The following PPARGC1A variants were observed in gnomAD, a reference collection of about 807,000 sequenced individuals.
PPARGC1A encodes the protein PPARG coactivator 1 alpha.
A neutral mutation model predicts 88.7 loss-of-function variants in PPARGC1A; 25 were observed. That is an observed-to-expected ratio of 0.28 (90% CI 0.21 to 0.39). PPARGC1A has a LOEUF of 0.39. PPARGC1A is among the 10% of genes least tolerant of loss of function. The pLI, the probability that PPARGC1A is intolerant of heterozygous loss-of-function variation, is 1.00. For missense variants in PPARGC1A, 880 were observed against 968.7 expected (o/e 0.91, Z 1.22); for synonymous variants, 363 against 355.6 (o/e 1.02, Z -0.24).
chr4:24,424,325 G>A, the PPARGC1A span, among the ~76,000 whole-genome samples: 6 of 123,954 alleles, frequency 4.8e-5, no homozygotes, highest in East Asian at 1.1e-3. Flanking sequence ...GCCCAGGCTC[G>A]AGTGCCCTGG....
the PPARGC1A span, among the ~76,000 whole-genome samples, chr4:24,077,285 G>A: frequency 3.3e-5 from 5 of 152,042 alleles, no homozygotes; most frequent in South Asian, 2.1e-4. Context: ...GGCACATCTC[G>A]TTTAGTGGCT....
chr4:24,204,513 G>C, the PPARGC1A span, among the ~76,000 whole-genome samples: 3 of 151,900 alleles, frequency 2.0e-5, no homozygotes, highest in African/African-American at 7.3e-5. Context: ...GAAGAGAGGG[G>C]AGGGCAGGGG....
intron 2 of PPARGC1A, among the ~76,000 whole-genome samples, chr4:23,858,346 T>C (rs1730584520): frequency 1.3e-5 from 2 of 152,198 alleles, no homozygotes. Flanking sequence ...TGATAGGTGA[T>C]CAGTAAATGT....
chr4:24,262,101 C>G, the PPARGC1A span, among the ~76,000 whole-genome samples: 2 of 151,878 alleles, frequency 1.3e-5, no homozygotes, highest in African/African-American at 4.9e-5. Context: ...GCCCTCCCAA[C>G]CCCCACCAAG....
chr4:24,374,173 C>T, the PPARGC1A span, among the ~76,000 whole-genome samples: 11 of 152,188 alleles, frequency 7.2e-5, no homozygotes, highest in Non-Finnish European at 4.4e-5. Context: ...CTGGGAGGGA[C>T]AGATTTTTCC....
At chr4:24,325,284 A>C in the PPARGC1A span, among the ~76,000 whole-genome samples, 389 of 152,174 alleles carry the variant, frequency 2.6e-3, 1 homozygote, top group African/African-American at 8.8e-3. Context: ...AACTCCAAAA[A>C]TTAAATTCCG....
At chr4:24,237,467 T>G in the PPARGC1A span, among the ~76,000 whole-genome samples, 1 of 152,186 alleles carries the variant, frequency 6.6e-6, no homozygotes, top group Non-Finnish European at 1.5e-5. Flanking sequence ...TCAGTGCTCA[T>G]TAGTTGAGAT....
the PPARGC1A span, among the ~76,000 whole-genome samples, chr4:24,106,254 T>A: frequency 6.6e-6 from 1 of 152,184 alleles, no homozygotes; most frequent in South Asian, 2.1e-4. Context: ...TCTCCATGTA[T>A]CTGTTTCTTA....
the PPARGC1A span, among the ~76,000 whole-genome samples, chr4:24,228,641 T>A: frequency 5.3e-5 from 8 of 151,552 alleles, no homozygotes; most frequent in Non-Finnish European, 1.2e-4. Flanking sequence ...CCTCTGAATC[T>A]AAAATAAAAG....
the PPARGC1A span, among the ~76,000 whole-genome samples, chr4:24,469,474 T>C: frequency 6.6e-6 from 1 of 152,230 alleles, no homozygotes; most frequent in Non-Finnish European, 1.5e-5. Context: ...CCCCTAATGA[T>C]GTACATCTCT....
At chr4:23,861,383 A>G (rs1264591484) in intron 2 of PPARGC1A, among the ~76,000 whole-genome samples, 1 of 152,234 alleles carries the variant, frequency 6.6e-6, no homozygotes, top group African/African-American at 2.4e-5. Context: ...CCCTAAAAAT[A>G]TTTCCAATTT....
At chr4:23,843,624 A>C (rs2148619239) in intron 2 of PPARGC1A, among the ~76,000 whole-genome samples, 2 of 152,244 alleles carry the variant, frequency 1.3e-5, no homozygotes, top group Middle Eastern at 6.8e-3. Context: ...AATGGAGTGA[A>C]AAAGGAAGAA....
At chr4:24,227,251 ATGTTTTTGT>A in the PPARGC1A span, among the ~76,000 whole-genome samples, 36 of 152,068 alleles carry the variant, frequency 2.4e-4, no homozygotes, top group Middle Eastern at 0.01. Flanking sequence ...TGCCCAGCTA[ATGTTTTTGT>A]ACTTTTAGTA....
the PPARGC1A span, among the ~76,000 whole-genome samples, chr4:23,958,472 A>G: frequency 6.6e-6 from 1 of 152,110 alleles, no homozygotes; most frequent in Non-Finnish European, 1.5e-5. Context: ...TAACTCAAAA[A>G]TTTCTTTATG....
chr4:24,234,646 G>C, the PPARGC1A span, among the ~76,000 whole-genome samples: 1 of 152,118 alleles, frequency 6.6e-6, no homozygotes, highest in Non-Finnish European at 1.5e-5. Context: ...AAAAATCAGA[G>C]GAGAAAAGTA....
chr4:24,042,346 A>C, the PPARGC1A span, among the ~76,000 whole-genome samples: 1 of 152,148 alleles, frequency 6.6e-6, no homozygotes, highest in Non-Finnish European at 1.5e-5. Context: ...TCAAATAGTC[A>C]TCCTCTCTGC....
At chr4:24,402,464 C>T in the PPARGC1A span, among the ~76,000 whole-genome samples, 1 of 152,170 alleles carries the variant, frequency 6.6e-6, no homozygotes, top group Non-Finnish European at 1.5e-5. Flanking sequence ...AATCTGATCC[C>T]CATGACAATC....
the PPARGC1A span, among the ~76,000 whole-genome samples, chr4:24,213,165 C>CTT: frequency 2.5e-3 from 247 of 100,736 alleles, 5 homozygotes; most frequent in African/African-American, 8.9e-3. Context: ...GATTATTTTC[C>CTT]TTTTTTTTTT....
the PPARGC1A span, among the ~76,000 whole-genome samples, chr4:24,153,718 T>A: frequency 6.6e-6 from 1 of 152,184 alleles, no homozygotes; most frequent in East Asian, 1.9e-4. Context: ...TGTGCTATAA[T>A]TAATAGAGGT....
Sources: gnomAD v4.1 joint callset for allele counts (sites outside exome capture counted in the v4.1 genomes callset) on GRCh38, gnomAD v4.1.1 for gene constraint, MANE v1.5 for transcripts, NCBI Gene and HGNC (gene_info 2026-07-23, HGNC 2026-07-21) for gene names.